Variants in EFNA5 observed in about 807,000 individuals in gnomAD.
EFNA5 encodes ephrin-A5.
Under a neutral mutation model 22.9 loss-of-function variants are expected in EFNA5, and 5 were observed. The ratio of observed to expected loss-of-function variants is 0.22; its 90% CI spans 0.11 to 0.46. EFNA5 has a LOEUF of 0.46. EFNA5 is among the 20% of genes least tolerant of loss of function. EFNA5 has a pLI of 0.99. For synonymous variants in EFNA5, 113 were observed against 112.2 expected, an observed-to-expected ratio of 1.01 and a Z score of -0.04; for missense variants, 237 against 293.3, an observed-to-expected ratio of 0.81 and a Z score of 1.40.
chr5:107,492,934 G>A (rs1746854240), intron 1 of EFNA5, among the ~76,000 whole-genome samples: 1 of 150,996 alleles, frequency 6.6e-6, no homozygotes, highest in African/African-American at 2.4e-5. Context: ...GGAGGCGGAG[G>A]TTGCAGTGAG....
rs1367595618 is a variant in EFNA5, at chr5:107,379,963, T to TAA, written c.*1290_*1291dup. The TAA allele has an allele frequency of 1.3e-5, 2 of 152,192 alleles. No homozygotes were observed. 9.4% of individuals were successfully genotyped at this position (152,192 alleles called of 1,614,324 possible). ...CTCCATCTTGTTTATCTCCCACAGATAAACACATGTTCCCCCTACGCTTTA... is the reference window on the plus strand; with the variant it reads ...CTCCATCTTGTTTATCTCCCACAGATAAAAACACATGTTCCCCCTACGCTTTA... On this transcript the variant is annotated 3_prime_UTR_variant, in exon 5 of 5. Transcript: ENST00000333274.
At chr5:107,665,506 TACC>T (rs1189257369) in intron 1 of EFNA5, among the ~76,000 whole-genome samples, 1 of 152,182 alleles carries the variant, frequency 6.6e-6, no homozygotes, top group African/African-American at 2.4e-5. Flanking sequence ...GTTTAGTTAT[TACC>T]ACTAAAATCA....
intron 1 of EFNA5, among the ~76,000 whole-genome samples, chr5:107,450,920 T>C (rs753896322): frequency 1.1e-4 from 16 of 152,244 alleles, no homozygotes; most frequent in African/African-American, 1.4e-4. Context: ...TTCATCGTCT[T>C]TAGACAACTG....
At chr5:107,466,596 A>C (rs152577) in intron 1 of EFNA5, among the ~76,000 whole-genome samples, 1 of 151,846 alleles carries the variant, frequency 6.6e-6, no homozygotes, top group Non-Finnish European at 1.5e-5. Context: ...GACTTAGAGA[A>C]ATTTGCTTTG....
In EFNA5 at chr5:107,465,731, C is replaced by A. The variant is rs190478062; in HGVS notation, c.126-38222G>T. Among the ~76,000 whole-genome samples, 96 of 152,226 alleles carry A rather than the reference C, an allele frequency of 6.3e-4. 1 individual carries two copies. The East Asian group carries it at 0.018, about 28-fold the overall frequency. On this transcript the variant is annotated intron_variant, in intron 1 of 4. Transcript: ENST00000333274. ...ATCTCTGGCTAGTCCAGATTGCTTGCAGAGATGTTCCCTCATTTTAAATGT... is the reference window on the plus strand; with the variant it reads ...ATCTCTGGCTAGTCCAGATTGCTTGAAGAGATGTTCCCTCATTTTAAATGT...
intron 1 of EFNA5, among the ~76,000 whole-genome samples, chr5:107,578,599 A>C (rs960625967): frequency 1.4e-5 from 2 of 142,270 alleles, no homozygotes; most frequent in African/African-American, 5.6e-5. Flanking sequence ...ATAAATGATA[A>C]ATGGCCTACC....
chr5:107,554,364 T>C (rs763614352), intron 1 of EFNA5, among the ~76,000 whole-genome samples: 27 of 152,298 alleles, frequency 1.8e-4, no homozygotes, highest in Non-Finnish European at 2.8e-4. Flanking sequence ...TTTTCTAGAA[T>C]CCTCCCATTC....
At chr5:107,485,466 A>C (rs1746591661) in intron 1 of EFNA5, among the ~76,000 whole-genome samples, 1 of 152,118 alleles carries the variant, frequency 6.6e-6, no homozygotes, top group African/African-American at 2.4e-5. Flanking sequence ...ATTACTACTG[A>C]ATGAATCTCT....
chr5:107,670,434 T>G, intron 1 of EFNA5, 55 bp downstream of exon 1: 1 of 1,509,330 alleles, frequency 6.6e-7, no homozygotes, highest in Non-Finnish European at 8.9e-7. Flanking sequence ...CGCCGCTCCT[T>G]CCGCAGGGCC....
chr5:107,448,088 G>A (rs367772824), intron 1 of EFNA5, among the ~76,000 whole-genome samples: 9 of 152,126 alleles, frequency 5.9e-5, no homozygotes, highest in South Asian at 2.1e-4. Flanking sequence ...GAGCCACTGC[G>A]CCCAGCCAAG....
intron 1 of EFNA5, among the ~76,000 whole-genome samples, chr5:107,546,250 C>T (rs373837915): frequency 6.6e-5 from 10 of 152,278 alleles, no homozygotes; most frequent in East Asian, 3.9e-4. Context: ...AGCACTGGTG[C>T]GGCTGCTCTG....
rs562455468 is a variant in EFNA5 at position 107,452,360 on chromosome 5, T to C, written c.126-24851A>G. On this transcript the variant is annotated intron_variant, in intron 1 of 4. Coordinates refer to ENST00000333274, the MANE Select transcript of EFNA5 (RefSeq NM_001962.3). ...TTTTAGAAAAAAAAAGTCAGACTTA[T>C]ACAGCTGACATTAATTTACAGAAAT... Among the ~76,000 whole-genome samples the C allele has an allele frequency of 7.9e-4, 120 of 152,190 alleles. 1 individual carries two copies. Among genetic ancestry groups the C allele is most frequent in the Admixed American group, 7.6e-3 (116 of 15,282 alleles).
intron 1 of EFNA5, among the ~76,000 whole-genome samples, chr5:107,583,361 A>T (rs1454677747): frequency 1.3e-5 from 2 of 152,228 alleles, no homozygotes; most frequent in Non-Finnish European, 2.9e-5. Context: ...GAAAAAGAAA[A>T]TATGAAAATA....
chr5:107,547,730 T>C (rs186674474), intron 1 of EFNA5, among the ~76,000 whole-genome samples: 36 of 152,304 alleles, frequency 2.4e-4, no homozygotes, highest in Non-Finnish European at 4.4e-5. Context: ...TTTTTGATGA[T>C]ATATATACTA....
rs57831858 is a variant in EFNA5 at position 107,514,994 on chromosome 5, G to C, written c.126-87485C>G. On this transcript the variant is annotated intron_variant, in intron 1 of 4. Coordinates refer to ENST00000333274, the MANE Select transcript of EFNA5 (RefSeq NM_001962.3). The stretch of plus-strand genomic sequence containing the variant: ...GAGCTTGCATGGGTGAATGCCGGCA[G>C]GAACTAAGGACTAGACATGTGCAGG... Among the ~76,000 whole-genome samples, 1,015 of 152,274 alleles carry C rather than the reference G, an allele frequency of 6.7e-3. 15 individuals carry two copies. The highest frequency in any genetic ancestry group is 0.024 in the African/African-American group (993 of 41,534).
At chr5:107,545,650 G>C (rs914843409) in intron 1 of EFNA5, among the ~76,000 whole-genome samples, 49 of 152,118 alleles carry the variant, frequency 3.2e-4, no homozygotes, top group African/African-American at 1.1e-3. Flanking sequence ...GCCACTTGGA[G>C]CTCCTCGGCA....
chr5:107,647,142 C>T (rs1006280675), intron 1 of EFNA5, among the ~76,000 whole-genome samples: 1 of 151,878 alleles, frequency 6.6e-6, no homozygotes, highest in African/African-American at 2.4e-5. Flanking sequence ...ATGTAAAATG[C>T]AGTATATGTA....
chr5:107,637,574 T>C (rs1388332193), intron 1 of EFNA5, among the ~76,000 whole-genome samples: 1 of 151,442 alleles, frequency 6.6e-6, no homozygotes, highest in African/African-American at 2.4e-5. Context: ...ACTGAGTTTT[T>C]AAAGTATATG....
At chr5:107,481,800 A>AT (rs1750470235) in intron 1 of EFNA5, among the ~76,000 whole-genome samples, 1 of 151,362 alleles carries the variant, frequency 6.6e-6, no homozygotes, top group Non-Finnish European at 1.5e-5. Flanking sequence ...CAGTGAGCTG[A>AT]GATCACCCCA....
Sources: allele counts gnomAD v4.1 joint callset (sites outside exome capture counted in the v4.1 genomes callset), GRCh38; gene constraint gnomAD v4.1.1; transcripts MANE v1.5; gene names NCBI Gene and HGNC (gene_info 2026-07-23, HGNC 2026-07-21).